The following TPRG1 variants were observed in gnomAD, a reference collection of about 807,000 sequenced individuals.
TPRG1 encodes the protein tumor protein p63 regulated 1.
A neutral mutation model predicts 29.3 loss-of-function variants in TPRG1; 29 were observed. The observed-to-expected ratio is 0.99, with a 90% CI of 0.74 to 1.35. TPRG1 has a LOEUF of 1.35. Among genes scored for constraint, TPRG1 ranks in the 40% most tolerant of loss-of-function variants. The pLI is 0.00. For missense variants in TPRG1, 327 were observed against 335.0 expected (o/e 0.98, Z 0.19); for synonymous variants, 130 against 116.8 (o/e 1.11, Z -0.73).
At chr3:189,297,814 AC>A (rs1720204517) in intron 4 of TPRG1, among the ~76,000 whole-genome samples, 1 of 152,102 alleles carries the variant, frequency 6.6e-6, no homozygotes, top group Non-Finnish European at 1.5e-5. Context: ...GTGACCAAGA[AC>A]TGACCATTTG....
At chr3:189,038,981 A>G (rs138577605) in intron 4 of TPRG1, among the ~76,000 whole-genome samples, 34 of 152,332 alleles carry the variant, frequency 2.2e-4, no homozygotes, top group Admixed American at 3.9e-4. Flanking sequence ...GTTGGCACAG[A>G]TGTGAAAAAA....
intron 4 of TPRG1, among the ~76,000 whole-genome samples, chr3:189,059,642 G>T (rs975679901): frequency 2.0e-5 from 3 of 151,818 alleles, no homozygotes; most frequent in African/African-American, 7.3e-5. Flanking sequence ...AAAAAAAAAG[G>T]TCTGTGAGAT....
intron 5 of TPRG1, chr3:189,313,172 A>G (rs1212454675): frequency 6.6e-6 from 1 of 152,108 alleles, no homozygotes; most frequent in Non-Finnish European, 1.5e-5. Flanking sequence ...GGAATGTGAG[A>G]GGATGAGTAC....
chr3:189,015,771 T>G (rs1447024592), intron 3 of TPRG1, among the ~76,000 whole-genome samples: 1 of 152,132 alleles, frequency 6.6e-6, no homozygotes, highest in Non-Finnish European at 1.5e-5. Context: ...TTCTATGTGG[T>G]GTTGGGCCTG....
intron 1 of TPRG1, among the ~76,000 whole-genome samples, chr3:189,173,964 G>T (rs573936075): frequency 9.9e-5 from 15 of 152,244 alleles, no homozygotes; most frequent in African/African-American, 2.9e-4. Flanking sequence ...ATTTGCTTCG[G>T]CCAAATGTTG....
intron 4 of TPRG1, among the ~76,000 whole-genome samples, chr3:189,282,215 CAAA>C (rs577174841): frequency 1.1e-5 from 1 of 94,740 alleles, no homozygotes; most frequent in East Asian, 3.1e-4. Flanking sequence ...TAGTCCTTTC[CAAA>C]AAAAAAAAAA....
intron 3 of TPRG1, chr3:189,219,766 T>C (rs549209376): frequency 9.1e-7 from 1 of 1,103,974 alleles, no homozygotes; most frequent in Non-Finnish European, 1.1e-6. Context: ...GCGATTGTTG[T>C]TCTTAATTCT....
At chr3:189,086,352 A>G (rs1717936783) in intron 4 of TPRG1, among the ~76,000 whole-genome samples, 1 of 148,488 alleles carries the variant, frequency 6.7e-6, no homozygotes, top group South Asian at 2.1e-4. Context: ...CACTGATTCA[A>G]ATTTTTTTTT....
intron 4 of TPRG1, among the ~76,000 whole-genome samples, chr3:189,088,598 C>A (rs1718119257): frequency 6.6e-6 from 1 of 152,172 alleles, no homozygotes; most frequent in African/African-American, 2.4e-5. Flanking sequence ...ATACTATTAA[C>A]TGTTTATTTC....
At chr3:189,038,546 G>A (rs533671267) in intron 4 of TPRG1, among the ~76,000 whole-genome samples, 16 of 151,998 alleles carry the variant, frequency 1.1e-4, no homozygotes, top group African/African-American at 3.9e-4. Flanking sequence ...AAGTACCTTG[G>A]CAACTTCGGG....
chr3:189,181,750 A>T (rs552355761), intron 1 of TPRG1, among the ~76,000 whole-genome samples: 5 of 152,326 alleles, frequency 3.3e-5, no homozygotes, highest in Admixed American at 3.3e-4. Context: ...ATCCAGTTCC[A>T]AAGTTGCTTC....
chr3:189,081,633 T>C (rs1465392814), intron 4 of TPRG1, among the ~76,000 whole-genome samples: 1 of 152,222 alleles, frequency 6.6e-6, no homozygotes, highest in Non-Finnish European at 1.5e-5. Context: ...TTTGGATCAT[T>C]AAGTAGCAAA....
intron 5 of TPRG1, among the ~76,000 whole-genome samples, chr3:189,161,919 G>A (rs560927850): frequency 1.3e-5 from 2 of 152,322 alleles, no homozygotes; most frequent in East Asian, 3.9e-4. Flanking sequence ...GGTAACTTTA[G>A]ACCAGAATCT....
At chr3:189,108,756 G>A (rs1050963117) in intron 1 of TPRG1, among the ~76,000 whole-genome samples, 15 of 151,998 alleles carry the variant, frequency 9.9e-5, no homozygotes, top group Admixed American at 1.3e-4. Context: ...TTATGAAATA[G>A]GATAGCTTGC....
intron 4 of TPRG1, among the ~76,000 whole-genome samples, chr3:189,063,986 TA>T (rs1560422410): frequency 6.6e-6 from 1 of 152,188 alleles, no homozygotes; most frequent in Non-Finnish European, 1.5e-5. Flanking sequence ...CACAAGCTTC[TA>T]AGAATATTCT....
chr3:189,057,804 GTATA>G (rs1170680162), intron 4 of TPRG1, among the ~76,000 whole-genome samples: 1 of 140,750 alleles, frequency 7.1e-6, no homozygotes, highest in Non-Finnish European at 1.5e-5. Context: ...GGGTATGTAT[GTATA>G]TATATGTGTG....
intron 4 of TPRG1, among the ~76,000 whole-genome samples, chr3:189,054,516 CTT>C (rs933354081): frequency 9.3e-4 from 142 of 151,992 alleles, no homozygotes; most frequent in African/African-American, 3.3e-3. Flanking sequence ...AAACCATGCT[CTT>C]ATAAAATGAC....
intron 3 of TPRG1, among the ~76,000 whole-genome samples, chr3:189,224,014 T>C (rs1737318612): frequency 6.6e-6 from 1 of 152,142 alleles, no homozygotes; most frequent in African/African-American, 2.4e-5. Context: ...CTCTCAGTCT[T>C]GTGAGAAAGA....
intron 1 of TPRG1, among the ~76,000 whole-genome samples, chr3:189,119,097 G>T (rs975839880): frequency 2.0e-5 from 3 of 152,356 alleles, no homozygotes; most frequent in African/African-American, 7.2e-5. Flanking sequence ...GGGCAGAGCT[G>T]CCCAAGGCCA....
Sources: allele counts gnomAD v4.1 joint callset (sites outside exome capture counted in the v4.1 genomes callset), GRCh38; gene constraint gnomAD v4.1.1; transcripts MANE v1.5; gene names NCBI Gene and HGNC (gene_info 2026-07-23, HGNC 2026-07-21).